SRGAP1: variants seen among roughly 807,000 people sequenced by gnomAD.
SRGAP1 encodes the protein SLIT-ROBO Rho GTPase-activating protein 1.
A neutral mutation model predicts 121.9 loss-of-function variants in SRGAP1; 43 were observed. That is an observed-to-expected ratio of 0.35 (90% CI 0.28 to 0.46). SRGAP1 has a LOEUF of 0.46. Ranked by LOEUF, SRGAP1 falls within the 20% of genes least tolerant of loss-of-function variation. SRGAP1 has a pLI of 1.00. For missense variants in SRGAP1, 1,102 were observed against 1,350.9 expected (o/e 0.82, Z 2.89); for synonymous variants, 447 against 485.4 (o/e 0.92, Z 1.04).
chr12:63,894,491 A>C, intron 1 of SRGAP1, among the ~76,000 whole-genome samples: 1 of 149,194 alleles, frequency 6.7e-6, no homozygotes. Context: ...TTTTAATTAT[A>C]CTTCAAGTTC....
chr12:64,111,573 T>G (rs557224506), intron 16 of SRGAP1, among the ~76,000 whole-genome samples, 189 bp from the exon 17 acceptor site: 1 of 152,288 alleles, frequency 6.6e-6, no homozygotes, highest in Non-Finnish European at 1.5e-5. Context: ...GTTAAGCAAA[T>G]AGGACTTAGA....
At chr12:64,097,405 A>G (rs1410939010) in intron 15 of SRGAP1, 30 bp downstream of exon 15, 4 of 1,607,644 alleles carry the variant, frequency 2.5e-6, no homozygotes, top group Admixed American at 1.7e-5. Flanking sequence ...ATCTTTTCCC[A>G]CAAGAATTAT....
intron 3 of SRGAP1, among the ~76,000 whole-genome samples, chr12:63,999,982 G>A (rs1037701374): frequency 7.9e-5 from 12 of 152,152 alleles, no homozygotes; most frequent in African/African-American, 2.9e-4. Context: ...ACGCAGGTCA[G>A]TGAGGTGTCC....
chr12:64,077,525 G>A (rs1224258095), intron 8 of SRGAP1, among the ~76,000 whole-genome samples: 1 of 149,424 alleles, frequency 6.7e-6, no homozygotes, highest in Non-Finnish European at 1.5e-5. Flanking sequence ...AAATCAGGAG[G>A]AGTAAATGAA....
rs1462149412 is a variant in SRGAP1, at chr12:63,949,012, TCATATATGTATTTTC to T, written c.68-34852_68-34838del. On this transcript the variant is annotated intron_variant, in intron 1 of 21. Transcript: ENST00000355086. ...ATATATGTATTTTCCATATATATATTCATATATGTATTTTCCATATATGTATTTTCCATATATGTA... is the reference window on the plus strand; with the variant it reads ...ATATATGTATTTTCCATATATATATTCATATATGTATTTTCCATATATGTA... Among the ~76,000 whole-genome samples, 223 of 92,004 alleles carry T rather than the reference TCATATATGTATTTTC, an allele frequency of 2.4e-3. 6 individuals carry two copies. The highest frequency in any genetic ancestry group is 0.017 in the East Asian group (45 of 2,612). 60.4% of individuals were successfully genotyped at this position (92,004 alleles called of 152,430 possible).
intron 3 of SRGAP1, among the ~76,000 whole-genome samples, chr12:64,014,191 C>T (rs1565639348): frequency 6.6e-6 from 1 of 152,184 alleles, no homozygotes; most frequent in Non-Finnish European, 1.5e-5. Flanking sequence ...GATCCAAAGT[C>T]ACTGAGACTT....
chr12:64,104,152 T>C (rs2036302045), intron 15 of SRGAP1, among the ~76,000 whole-genome samples: 1 of 152,224 alleles, frequency 6.6e-6, no homozygotes, highest in Non-Finnish European at 1.5e-5. Flanking sequence ...TGATGACCAT[T>C]TGAACTTTTT....
intron 1 of SRGAP1, among the ~76,000 whole-genome samples, chr12:63,942,879 A>C (rs564760394): frequency 5.3e-5 from 8 of 152,358 alleles, no homozygotes; most frequent in Admixed American, 2.0e-4. Context: ...ATATATAGAT[A>C]GGTTTTTTAA....
At chr12:64,137,725 A>G (rs2036877168) in intron 21 of SRGAP1, among the ~76,000 whole-genome samples, 1 of 152,132 alleles carries the variant, frequency 6.6e-6, no homozygotes, top group Admixed American at 6.6e-5. Flanking sequence ...ACTAGGTTTT[A>G]TGCAAACAAA....
At chr12:64,047,547 A>G (rs2035154655) in intron 6 of SRGAP1, among the ~76,000 whole-genome samples, 1 of 152,172 alleles carries the variant, frequency 6.6e-6, no homozygotes, top group Admixed American at 6.5e-5. Flanking sequence ...TTGTATGTGA[A>G]ATGACATGAA....
In SRGAP1 at chr12:63,990,091, G is replaced by A. The variant is rs1162958763; in HGVS notation, c.426+19G>A. On this transcript the variant is annotated intron_variant, in intron 3 of 21. Coordinates refer to ENST00000355086, the MANE Select transcript of SRGAP1 (RefSeq NM_020762.4). The stretch of plus-strand genomic sequence containing the variant: ...TAAAAAGGTACACTCCATAAATCCT[G>A]CCATAGTGTGCTTTCCAATAACTGC... 6.4e-7 allele frequency: 1 copy of A among 1,565,228 alleles called. No individual in the cohort carries two copies. The highest frequency in any genetic ancestry group is 1.4e-5 in the African/African-American group (1 of 73,208).
chr12:63,974,247 G>A (rs1236775123), intron 1 of SRGAP1, among the ~76,000 whole-genome samples: 1 of 151,998 alleles, frequency 6.6e-6, no homozygotes, highest in Non-Finnish European at 1.5e-5. Flanking sequence ...AAAAAAAAGT[G>A]CAAGTTTGTT....
intron 1 of SRGAP1, among the ~76,000 whole-genome samples, chr12:63,927,463 A>G (rs1005638845): frequency 2.6e-5 from 4 of 152,188 alleles, no homozygotes; most frequent in Non-Finnish European, 5.9e-5. Context: ...CCTCATGTTT[A>G]CACAGAAGCT....
chr12:64,042,467 T>A (rs1457829294), intron 4 of SRGAP1, among the ~76,000 whole-genome samples: 2 of 152,184 alleles, frequency 1.3e-5, no homozygotes, highest in Non-Finnish European at 2.9e-5. Flanking sequence ...AAATTAATAA[T>A]GTAGAGGAGA....
chr12:64,015,175 G>A (rs1319372187), intron 3 of SRGAP1, among the ~76,000 whole-genome samples: 3 of 152,090 alleles, frequency 2.0e-5, no homozygotes, highest in African/African-American at 7.2e-5. Context: ...GTTAGTTGGT[G>A]GCCTTTGATC....
At chr12:64,108,179 A>G (rs1054254971) in intron 15 of SRGAP1, among the ~76,000 whole-genome samples, 1 of 152,154 alleles carries the variant, frequency 6.6e-6, no homozygotes, top group East Asian at 1.9e-4. Context: ...TGTAGTAGTA[A>G]CCTTTTTGCT....
intron 1 of SRGAP1, among the ~76,000 whole-genome samples, chr12:63,904,742 T>G (rs7303730): frequency 0.45 from 68,564 of 151,754 alleles, 15,985 homozygotes; most frequent in East Asian, 0.73. Context: ...ACCAACGTGG[T>G]CAACTTTGGG....
rs535795598 is a variant in SRGAP1, at chr12:64,108,934, A to G, written c.1816A>G (p.Ile606Val). Residue 606 changes from isoleucine to valine, a missense_variant and splice_region_variant, in exon 16 of 22, where the codon ATA (isoleucine) becomes GTA (valine). By Grantham distance (29) the Ile-to-Val change is conservative. This residue lies in a region of SRGAP1 where 747 missense variants were observed against 929.4 expected (regional missense o/e 0.80). Coordinates refer to ENST00000355086, the MANE Select transcript of SRGAP1 (RefSeq NM_020762.4). ...ACCATGTCATCTTCTGTCTGTAGGA[A>G]TAGATAATCTCTATGAGAGGGCGCT... Reference protein sequence around the residue: ...RFNDLISCIRIDNLYERALHI... With the variant: ...RFNDLISCIRVDNLYERALHI... 8 of 1,593,868 alleles carry G rather than the reference A, an allele frequency of 5.0e-6. No individual in the cohort carries two copies. The highest frequency in any genetic ancestry group is 6.9e-6 in the Non-Finnish European group (8 of 1,166,618).
intron 1 of SRGAP1, among the ~76,000 whole-genome samples, chr12:63,857,109 A>G (rs1899277449): frequency 7.2e-6 from 1 of 138,414 alleles, no homozygotes; most frequent in African/African-American, 2.8e-5. Flanking sequence ...TTTGAGATGG[A>G]GTTTCGCTTA....
Sources: gnomAD v4.1 joint callset for allele counts (sites outside exome capture counted in the v4.1 genomes callset) on GRCh38, gnomAD v4.1.1 for gene constraint, gnomAD v4.1.1 regional missense constraint, MANE v1.5 for transcripts, NCBI Gene and HGNC (gene_info 2026-07-23, HGNC 2026-07-21) for gene names.